Variants in EFNA5 observed in about 807,000 individuals in gnomAD.
EFNA5 encodes the protein ephrin A5.
A neutral mutation model predicts 22.9 loss-of-function variants in EFNA5; 5 were observed. The ratio of observed to expected loss-of-function variants is 0.22; its 90% confidence interval spans 0.11 to 0.46. The LOEUF is 0.46. Among genes scored for constraint, EFNA5 ranks in the 20% least tolerant of loss-of-function variants. The pLI, the probability that EFNA5 is intolerant of heterozygous loss-of-function variation, is 0.99. For synonymous variants in EFNA5, 113 were observed against 112.2 expected, an observed-to-expected ratio of 1.01 and a Z score of -0.04; for missense variants, 237 against 293.3, an observed-to-expected ratio of 0.81 and a Z score of 1.40.
intron 1 of EFNA5, among the ~76,000 whole-genome samples, chr5:107,645,281 T>G (rs1239293895): frequency 6.6e-6 from 1 of 152,188 alleles, no homozygotes; most frequent in Non-Finnish European, 1.5e-5. Flanking sequence ...CTTGTAGAAG[T>G]TGAAGTAATT....
At chr5:107,509,086 C>T (rs1028070481) in intron 1 of EFNA5, among the ~76,000 whole-genome samples, 1 of 152,284 alleles carries the variant, frequency 6.6e-6, no homozygotes, top group East Asian at 1.9e-4. Context: ...AGGATGGCTT[C>T]GCTCTTGAGT....
chr5:107,465,675 G>A (rs1749958721), intron 1 of EFNA5, among the ~76,000 whole-genome samples: 1 of 152,102 alleles, frequency 6.6e-6, no homozygotes, highest in South Asian at 2.1e-4. Flanking sequence ...AAGAAATGTA[G>A]GGATACAATC....
chr5:107,522,055 T>G (rs1487940938), intron 1 of EFNA5, among the ~76,000 whole-genome samples: 1 of 152,176 alleles, frequency 6.6e-6, no homozygotes, highest in African/African-American at 2.4e-5. Context: ...AACAATATTA[T>G]ATAGCAACGG....
At chr5:107,388,398 G>A (rs1747695806) in intron 2 of EFNA5, 1 of 151,920 alleles carries the variant, frequency 6.6e-6, no homozygotes, top group Non-Finnish European at 1.5e-5. Flanking sequence ...AGTACAATAT[G>A]CTATTGAGAA....
intron 1 of EFNA5, among the ~76,000 whole-genome samples, chr5:107,574,217 CAG>C (rs1180318807): frequency 2.0e-5 from 3 of 152,188 alleles, no homozygotes; most frequent in East Asian, 1.9e-4. Context: ...TGGAAGAACT[CAG>C]AGGATTTTTA....
At chr5:107,392,532 C>T (rs953321007) in intron 2 of EFNA5, among the ~76,000 whole-genome samples, 1 of 152,188 alleles carries the variant, frequency 6.6e-6, no homozygotes, top group Non-Finnish European at 1.5e-5. Context: ...GAATCCTTCT[C>T]ACTGAGCCTT....
intron 2 of EFNA5, among the ~76,000 whole-genome samples, chr5:107,421,845 G>C (rs1748676974): frequency 6.6e-6 from 1 of 150,792 alleles, no homozygotes; most frequent in African/African-American, 2.4e-5. Flanking sequence ...AGGCTGGAGT[G>C]CAATGGAGCG....
chr5:107,497,842 T>A (rs575664269), intron 1 of EFNA5, among the ~76,000 whole-genome samples: 127 of 152,360 alleles, frequency 8.3e-4, no homozygotes, highest in African/African-American at 2.9e-3. Context: ...TTAAAGTCAT[T>A]CTGAACAAAG....
At chr5:107,497,374 A>G (rs931103962) in intron 1 of EFNA5, among the ~76,000 whole-genome samples, 2 of 152,236 alleles carry the variant, frequency 1.3e-5, no homozygotes, top group Non-Finnish European at 2.9e-5. Context: ...AACCACATCT[A>G]GAAGGTAAAC....
chr5:107,586,265 T>A (rs946547558), intron 1 of EFNA5, among the ~76,000 whole-genome samples: 1 of 152,174 alleles, frequency 6.6e-6, no homozygotes, highest in African/African-American at 2.4e-5. Context: ...TTTTTAAAGA[T>A]ACCGCATATC....
chr5:107,661,495 G>A (rs1344332553), intron 1 of EFNA5, among the ~76,000 whole-genome samples: 4 of 152,200 alleles, frequency 2.6e-5, no homozygotes, highest in Admixed American at 2.6e-4. Flanking sequence ...GGACACTTGT[G>A]TGCCAGGGCA....
chr5:107,458,399 A>C (rs1312562591), intron 1 of EFNA5, among the ~76,000 whole-genome samples: 1 of 152,030 alleles, frequency 6.6e-6, no homozygotes, highest in East Asian at 1.9e-4. Context: ...TTGAGATGTA[A>C]AGGTGGGATC....
chr5:107,631,292 C>G (rs960004576), intron 1 of EFNA5, among the ~76,000 whole-genome samples: 8 of 151,404 alleles, frequency 5.3e-5, no homozygotes, highest in Admixed American at 3.9e-4. Context: ...CACACACACT[C>G]TCTGTCTCTC....
chr5:107,625,170 G>A (rs1467712086), intron 1 of EFNA5, among the ~76,000 whole-genome samples: 1 of 152,084 alleles, frequency 6.6e-6, no homozygotes, highest in Non-Finnish European at 1.5e-5. Context: ...TAATAAAGAA[G>A]GAAACTTTTT....
intron 1 of EFNA5, among the ~76,000 whole-genome samples, chr5:107,431,372 G>C (rs1748952945): frequency 6.6e-6 from 1 of 152,072 alleles, no homozygotes; most frequent in Non-Finnish European, 1.5e-5. Context: ...ATGTTCTCTG[G>C]GTATAAAGTA....
At chr5:107,567,223 G>A (rs1462109049) in intron 1 of EFNA5, among the ~76,000 whole-genome samples, 2 of 152,058 alleles carry the variant, frequency 1.3e-5, no homozygotes, top group Non-Finnish European at 2.9e-5. Context: ...AAAAAAAAAG[G>A]TCCCCACAGA....
intron 1 of EFNA5, among the ~76,000 whole-genome samples, chr5:107,621,084 T>G (rs1326875270): frequency 6.6e-6 from 1 of 152,156 alleles, no homozygotes; most frequent in African/African-American, 2.4e-5. Flanking sequence ...GAATCATCCT[T>G]TAGGAAATGT....
In EFNA5 at chr5:107,557,131, A is replaced by G. The variant is rs1425217309; in HGVS notation, c.125+113358T>C. Among the ~76,000 whole-genome samples the G allele has an allele frequency of 2.0e-5, 3 of 152,140 alleles. No individual in the cohort carries two copies. The East Asian group carries it at 5.8e-4, about 29-fold the overall frequency. On this transcript the variant is annotated intron_variant, in intron 1 of 4. Coordinates refer to ENST00000333274, the MANE Select transcript of EFNA5 (RefSeq NM_001962.3). The stretch of plus-strand genomic sequence containing the variant: ...CCTCATTTCTCACAGCATGTCTATC[A>G]TTATATGTCCCTTTTGAACTGTAAG...
chr5:107,525,469 T>C (rs1747676223), intron 1 of EFNA5, among the ~76,000 whole-genome samples: 1 of 152,192 alleles, frequency 6.6e-6, no homozygotes, highest in South Asian at 2.1e-4. Context: ...TAACTTCTGA[T>C]TTCTTAAACC....
Sources: gnomAD v4.1 joint callset for allele counts (sites outside exome capture counted in the v4.1 genomes callset) on GRCh38, gnomAD v4.1.1 for gene constraint, MANE v1.5 for transcripts, NCBI Gene and HGNC (gene_info 2026-07-23, HGNC 2026-07-21) for gene names.